AGBL1: variants seen among roughly 807,000 people sequenced by gnomAD.
AGBL1 encodes AGBL carboxypeptidase 1.
In AGBL1, 130 loss-of-function variants were observed where a neutral mutation model predicts 118.9. That is an observed-to-expected ratio of 1.09 (90% CI 0.95 to 1.26). AGBL1 has a LOEUF of 1.26. Among genes scored for constraint, AGBL1 ranks in the 50% most tolerant of loss-of-function variants. The pLI is 0.00. For missense variants in AGBL1, 1,584 were observed against 1,298.1 expected (o/e 1.22, Z -3.38); for synonymous variants, 555 against 478.9 (o/e 1.16, Z -2.08).
intron 21 of AGBL1, among the ~76,000 whole-genome samples, chr15:86,592,645 G>A (rs2084353817): frequency 6.6e-6 from 1 of 152,154 alleles, no homozygotes; most frequent in South Asian, 2.1e-4. Context: ...AGTGTTCTTA[G>A]AGGAAGGTCG....
chr15:86,418,565 C>T (rs1435192057), intron 18 of AGBL1, among the ~76,000 whole-genome samples: 1 of 152,152 alleles, frequency 6.6e-6, no homozygotes, highest in East Asian at 1.9e-4. Flanking sequence ...GTGTCAAGCT[C>T]ACTGGTTTCA....
intron 21 of AGBL1, among the ~76,000 whole-genome samples, chr15:86,616,310 C>T (rs539388913): frequency 6.8e-6 from 1 of 146,668 alleles, no homozygotes; most frequent in Non-Finnish European, 1.5e-5. Flanking sequence ...GCACTCCAGC[C>T]TGGGTGACAG....
At chr15:86,176,256 C>T (rs980094817) in intron 5 of AGBL1, among the ~76,000 whole-genome samples, 1 of 152,110 alleles carries the variant, frequency 6.6e-6, no homozygotes, top group Non-Finnish European at 1.5e-5. Flanking sequence ...AACTGGCAAG[C>T]ATTATTGATG....
chr15:86,608,005 C>A (rs1388815723), intron 21 of AGBL1, among the ~76,000 whole-genome samples: 2 of 152,074 alleles, frequency 1.3e-5, no homozygotes, highest in Non-Finnish European at 2.9e-5. Context: ...ACTTTGAAAC[C>A]AAGTCTTATC....
chr15:86,720,845 CTACCATCAGAGAA>C (rs1353122246), intron 22 of AGBL1, among the ~76,000 whole-genome samples: 3 of 152,240 alleles, frequency 2.0e-5, no homozygotes, highest in African/African-American at 7.2e-5. Flanking sequence ...GAAATACAAA[CTACCATCAGAGAA>C]TACTATGAAC....
chr15:86,892,024 A>G (rs2080059604), intron 22 of AGBL1, among the ~76,000 whole-genome samples: 1 of 152,178 alleles, frequency 6.6e-6, no homozygotes, highest in South Asian at 2.1e-4. Context: ...CCTCTTATAT[A>G]TCTTTTCCTT....
chr15:86,700,803 A>G (rs538361962), intron 22 of AGBL1, among the ~76,000 whole-genome samples: 1 of 152,192 alleles, frequency 6.6e-6, no homozygotes, highest in East Asian at 1.9e-4. Context: ...TATTACCAAG[A>G]TACCTGATAC....
chr15:86,822,217 G>A (rs1294399698), intron 22 of AGBL1, among the ~76,000 whole-genome samples: 1 of 152,118 alleles, frequency 6.6e-6, no homozygotes, highest in East Asian at 1.9e-4. Context: ...TCTCAGTGGA[G>A]AATCTCCTAA....
intron 22 of AGBL1, among the ~76,000 whole-genome samples, chr15:86,880,058 G>A (rs1471285045): frequency 6.6e-6 from 1 of 152,214 alleles, no homozygotes; most frequent in Non-Finnish European, 1.5e-5. Context: ...TGGATCACTA[G>A]AGCGTTCCTC....
At chr15:86,200,782 A>C (rs2077895770) in intron 5 of AGBL1, among the ~76,000 whole-genome samples, 1 of 151,584 alleles carries the variant, frequency 6.6e-6, no homozygotes, top group South Asian at 2.1e-4. Context: ...ACGCCCGGCT[A>C]ATTGTTGTAT....
At chr15:86,993,003 GGTCCTCAA>G (rs2081348410) in intron 24 of AGBL1, among the ~76,000 whole-genome samples, 1 of 151,944 alleles carries the variant, frequency 6.6e-6, no homozygotes. Context: ...ATTAAGCAGA[GGTCCTCAA>G]TCTAACTGGA....
intron 19 of AGBL1, among the ~76,000 whole-genome samples, chr15:86,529,627 G>T (rs1353323932): frequency 7.6e-6 from 1 of 132,004 alleles, no homozygotes; most frequent in Non-Finnish European, 1.5e-5. Context: ...GATACTCCTC[G>T]AGAAGAGCAA....
At chr15:86,618,223 C>T (rs961202924) in intron 21 of AGBL1, among the ~76,000 whole-genome samples, 2 of 152,146 alleles carry the variant, frequency 1.3e-5, no homozygotes, top group African/African-American at 2.4e-5. Context: ...ACCATGTCTG[C>T]CTAGTCTTGC....
At chr15:86,622,601 G>T (rs2084828655) in intron 21 of AGBL1, among the ~76,000 whole-genome samples, 1 of 152,180 alleles carries the variant, frequency 6.6e-6, no homozygotes, top group Admixed American at 6.5e-5. Context: ...CTTTGGGAAG[G>T]TAACATTTAA....
At chr15:86,082,186 A>G (rs977799627) in intron 1 of AGBL1, among the ~76,000 whole-genome samples, 4 of 152,232 alleles carry the variant, frequency 2.6e-5, no homozygotes, top group African/African-American at 9.6e-5. Flanking sequence ...AACCCAGAAC[A>G]TATATTCTGT....
At position 86,700,468 on chromosome 15, in the gene AGBL1, TACACACACAC is replaced by T. The variant is rs67457435; in HGVS notation, c.3158+26066_3158+26075del. The stretch of plus-strand genomic sequence containing the variant: ...CATGTTTACTTTTTCAGCAGACTAA[TACACACACAC>T]ACACACACACACACACACACACACA... On this transcript the variant is annotated intron_variant, in intron 22 of 22. Transcript: ENST00000614907. Among the ~76,000 whole-genome samples the T allele has an allele frequency of 8.9e-4, 102 of 114,734 alleles. No homozygotes were observed. The East Asian group carries it at 0.016, about 18-fold the overall frequency. The allele number at this position is 114,734 out of a possible 152,430, so 75.3% of individuals were successfully genotyped here.
chr15:86,286,918 A>G (rs2079464103), intron 16 of AGBL1, among the ~76,000 whole-genome samples: 1 of 151,632 alleles, frequency 6.6e-6, no homozygotes, highest in Non-Finnish European at 1.5e-5. Context: ...TCTATTTTTA[A>G]TTTTTTGAGG....
chr15:86,207,971 A>G (rs986366374), intron 5 of AGBL1, among the ~76,000 whole-genome samples: 1 of 150,906 alleles, frequency 6.6e-6, no homozygotes, highest in Non-Finnish European at 1.5e-5. Flanking sequence ...AGCTCTGATT[A>G]TTTTGAGATA....
At chr15:86,598,473 C>G (rs2084442511) in intron 21 of AGBL1, among the ~76,000 whole-genome samples, 1 of 152,002 alleles carries the variant, frequency 6.6e-6, no homozygotes, top group Admixed American at 6.6e-5. Context: ...AGTGCAAAAT[C>G]AATATTAAAA....
Sources: allele counts gnomAD v4.1 joint callset (sites outside exome capture counted in the v4.1 genomes callset), GRCh38; gene constraint gnomAD v4.1.1; transcripts MANE v1.5; gene names NCBI Gene and HGNC (gene_info 2026-07-23, HGNC 2026-07-21).